The following GATAD2B variants were observed in gnomAD, a reference collection of about 807,000 sequenced individuals.
GATAD2B encodes the protein transcriptional repressor p66-beta.
In GATAD2B, 8 loss-of-function variants were observed where a neutral mutation model predicts 64.3. The observed-to-expected ratio is 0.12, with a 90% CI of 0.07 to 0.22. The LOEUF is 0.22. GATAD2B is among the 10% of genes least tolerant of loss of function. GATAD2B has a pLI of 1.00. For missense variants in GATAD2B, 453 were observed against 752.0 expected, an observed-to-expected ratio of 0.60 and a Z score of 4.65; for synonymous variants, 281 against 271.3, an observed-to-expected ratio of 1.04 and a Z score of -0.35.
chr1:153,835,437 G>C (rs754983222), intron 1 of GATAD2B, among the ~76,000 whole-genome samples: 1 of 151,830 alleles, frequency 6.6e-6, no homozygotes, highest in Non-Finnish European at 1.5e-5. Flanking sequence ...GAAACTGCCA[G>C]GTTGGGCAGG....
intron 1 of GATAD2B, among the ~76,000 whole-genome samples, chr1:153,857,437 C>T (rs1337323298): frequency 6.6e-6 from 1 of 152,106 alleles, no homozygotes; most frequent in Non-Finnish European, 1.5e-5. Context: ...CAGAGGGAGA[C>T]TCTCAAATGT....
intron 8 of GATAD2B, among the ~76,000 whole-genome samples, chr1:153,812,672 C>T (rs1674334087): frequency 6.6e-6 from 1 of 151,898 alleles, no homozygotes; most frequent in East Asian, 1.9e-4. Flanking sequence ...TTATTTTTGA[C>T]TCCTGCCTAC....
chr1:153,891,574 T>TAAA (rs1163572311), intron 1 of GATAD2B, among the ~76,000 whole-genome samples: 7,427 of 19,910 alleles, frequency 0.37, 1,912 homozygotes, highest in African/African-American at 0.39. Context: ...CTGTCTCGTT[T>TAAA]AAAAAAAAAA....
At chr1:153,821,086 T>A (rs1415712747) in intron 2 of GATAD2B, among the ~76,000 whole-genome samples, 2 of 139,646 alleles carry the variant, frequency 1.4e-5, no homozygotes, top group African/African-American at 5.3e-5. Context: ...CCCCAAGAGA[T>A]TCCCCCCGCC....
At chr1:153,853,082 A>C in intron 1 of GATAD2B, 1 of 1,510,642 alleles carries the variant, frequency 6.6e-7, no homozygotes, top group South Asian at 1.1e-5. Flanking sequence ...CAGTCACAGC[A>C]CCTTTGGCAT....
intron 1 of GATAD2B, among the ~76,000 whole-genome samples, chr1:153,883,506 A>T (rs559660144): frequency 4.6e-5 from 7 of 152,348 alleles, no homozygotes; most frequent in Non-Finnish European, 8.8e-5. Flanking sequence ...ACATAAAGGA[A>T]AACATGATAA....
chr1:153,887,478 C>G (rs1677219728), intron 1 of GATAD2B, among the ~76,000 whole-genome samples: 2 of 152,208 alleles, frequency 1.3e-5, no homozygotes, highest in Admixed American at 6.5e-5. Flanking sequence ...AAAGTAAAAA[C>G]TAGGTACACT....
At chr1:153,880,281 G>GT (rs1462300135) in intron 1 of GATAD2B, among the ~76,000 whole-genome samples, 3 of 151,832 alleles carry the variant, frequency 2.0e-5, no homozygotes, top group Non-Finnish European at 4.4e-5. Flanking sequence ...GACCAACATG[G>GT]TGAAACCCTG....
chr1:153,875,280 T>C (rs1676789209), intron 1 of GATAD2B, among the ~76,000 whole-genome samples: 1 of 152,138 alleles, frequency 6.6e-6, no homozygotes, highest in Non-Finnish European at 1.5e-5. Flanking sequence ...ATCCAACCTT[T>C]TGGCTTCCCT....
Position 153,858,461 on chromosome 1 carries a change from C to T in GATAD2B, c.-1-30113G>A, listed in dbSNP as rs748317911. Among the ~76,000 whole-genome samples, 119 of 152,016 alleles carry T rather than the reference C, an allele frequency of 7.8e-4. 1 individual carries two copies. Among genetic ancestry groups the T allele is most frequent in the Non-Finnish European group, 1.8e-4 (12 of 68,006 alleles). ...CTCTACAAAAAATAGAAAAATTAGC[C>T]CAGGATGGTGGCATGCACCTGCGGT... On this transcript the variant is annotated intron_variant, in intron 1 of 10. Transcript: ENST00000368655.
chr1:153,919,721 T>C (rs933062825), intron 1 of GATAD2B, among the ~76,000 whole-genome samples: 11 of 152,248 alleles, frequency 7.2e-5, no homozygotes, highest in African/African-American at 1.7e-4. Context: ...TATTGTCTGA[T>C]AGACTGGATT....
chr1:153,893,616 A>T (rs568085329), intron 1 of GATAD2B, among the ~76,000 whole-genome samples: 130 of 151,802 alleles, frequency 8.6e-4, no homozygotes, highest in South Asian at 2.5e-3. Flanking sequence ...TCTCAAAAAA[A>T]AAAATAAAAT....
intron 1 of GATAD2B, among the ~76,000 whole-genome samples, chr1:153,834,649 C>G (rs1258536764): frequency 6.6e-6 from 1 of 152,272 alleles, no homozygotes; most frequent in East Asian, 1.9e-4. Context: ...CTCGGCTTCC[C>G]AAATTGCTGG....
chr1:153,893,982 A>AC (rs1458912803), intron 1 of GATAD2B, among the ~76,000 whole-genome samples: 10 of 146,224 alleles, frequency 6.8e-5, no homozygotes, highest in Non-Finnish European at 1.4e-4. Flanking sequence ...AAAAAAAAAA[A>AC]CCCAAAAAAT....
At chr1:153,911,061 G>C (rs1048613024) in intron 1 of GATAD2B, among the ~76,000 whole-genome samples, 1 of 152,168 alleles carries the variant, frequency 6.6e-6, no homozygotes, top group African/African-American at 2.4e-5. Flanking sequence ...AAGAGTATCA[G>C]TGAGAAATTC....
chr1:153,830,000 G>A (rs2101893170), intron 1 of GATAD2B, among the ~76,000 whole-genome samples: 2 of 152,008 alleles, frequency 1.3e-5, no homozygotes, highest in Middle Eastern at 6.8e-3. Context: ...AGAGGCTGAG[G>A]CATGAGAATC....
At chr1:153,917,997 G>A (rs1678323271) in intron 1 of GATAD2B, among the ~76,000 whole-genome samples, 1 of 152,176 alleles carries the variant, frequency 6.6e-6, no homozygotes. Context: ...CATTCTCTGT[G>A]GGGAAACCTA....
chr1:153,897,444 C>T (rs1677631126), intron 1 of GATAD2B, among the ~76,000 whole-genome samples: 1 of 152,108 alleles, frequency 6.6e-6, no homozygotes, highest in South Asian at 2.1e-4. Flanking sequence ...TGATCTTATG[C>T]AAGATTGGGA....
chr1:153,921,706 G>A (rs1338516014), intron 1 of GATAD2B: 5 of 152,160 alleles, frequency 3.3e-5, no homozygotes, highest in African/African-American at 1.2e-4. Context: ...AGAAAAGGTT[G>A]CTAGCTAGCT....
Sources: gnomAD v4.1 joint callset for allele counts (sites outside exome capture counted in the v4.1 genomes callset) on GRCh38, gnomAD v4.1.1 for gene constraint, MANE v1.5 for transcripts, NCBI Gene and HGNC (gene_info 2026-07-23, HGNC 2026-07-21) for gene names.